TCEA3: variants seen among roughly 807,000 people sequenced by gnomAD.
The protein encoded by TCEA3 is transcription elongation factor A3, also known as transcription elongation factor A protein 3.
TCEA3 carries 36 observed loss-of-function variants against 44.0 expected under a neutral mutation model. The observed-to-expected ratio is 0.82, with a 90% CI of 0.63 to 1.08. TCEA3 has a LOEUF of 1.08. Among genes scored for constraint, TCEA3 ranks in the 50% least tolerant of loss-of-function variants. The probability of loss-of-function intolerance (pLI) is 0.00; values close to 1 mark genes in which losing one functional copy is unlikely to be tolerated. For missense variants in TCEA3, 392 were observed against 441.2 expected, an observed-to-expected ratio of 0.89 and a Z score of 1.00; for synonymous variants, 162 against 159.7, an observed-to-expected ratio of 1.01 and a Z score of -0.11.
At chr1:23,420,840 C>A (rs941178844) in intron 1 of TCEA3, among the ~76,000 whole-genome samples, 3 of 152,170 alleles carry the variant, frequency 2.0e-5, no homozygotes, top group Non-Finnish European at 2.9e-5. Flanking sequence ...GGACACCCTC[C>A]GACCCATTTC....
intron 7 of TCEA3, among the ~76,000 whole-genome samples, chr1:23,395,429 T>C (rs1639186896): frequency 6.6e-6 from 1 of 152,198 alleles, no homozygotes; most frequent in Non-Finnish European, 1.5e-5. Flanking sequence ...TTTTAGGACA[T>C]AGAGCAGTCA....
rs561396556 is a variant in TCEA3 at position 23,397,793 on chromosome 1, G to A, written c.606C>T (p.Asp202=). 5.5e-5 allele frequency: 89 copies of A among 1,613,858 alleles called. No individual in the cohort carries two copies. Among genetic ancestry groups the A allele is most frequent in the South Asian group, 1.1e-4 (10 of 91,082 alleles). ...CATCCCTAGCCCAGGCTCTCTCACC[G>A]TCCGCCTTCAGGGCTGCTGACAGCA... The part of the protein sequence containing the change: ...VEMLSAALKA[D]DDYKDYGVNC... The change falls in exon 6 of 11, where the codon GAC becomes GAT. Residue 202 remains aspartate, a splice_region_variant and synonymous_variant. Coordinates refer to ENST00000450454, the MANE Select transcript of TCEA3 (RefSeq NM_003196.3).
Position 23,424,702 on chromosome 1 carries a change from CGAAG to C in TCEA3, c.-73_-70del. On this transcript the variant is annotated 5_prime_UTR_variant, in exon 1 of 11. Transcript: ENST00000450454. ...AGTAGGGCCTCGGGGGCAGGAGGCG[CGAAG>C]GCGGAGGGCGCGCAACCCGCGCGGG... 7.6e-7 allele frequency: 1 copy of C among 1,312,084 alleles called. No individual in the cohort carries two copies. Among genetic ancestry groups the C allele is most frequent in the Non-Finnish European group, 1.1e-6 (1 of 939,552 alleles). 81.3% of individuals were successfully genotyped at this position (1,312,084 alleles called of 1,614,324 possible). A position where few individuals can be genotyped will look rare whatever the true frequency, so the allele number is the denominator to read the frequency against.
At chr1:23,404,033 G>C (rs1639472380) in intron 5 of TCEA3, 2 of 682,964 alleles carry the variant, frequency 2.9e-6, no homozygotes, top group Admixed American at 2.0e-5. Flanking sequence ...CCCCGGATGT[G>C]CCCGCACCGC....
At chr1:23,401,925 G>A (rs1191191165) in intron 5 of TCEA3, among the ~76,000 whole-genome samples, 3 of 152,160 alleles carry the variant, frequency 2.0e-5, no homozygotes, top group Non-Finnish European at 2.9e-5. Context: ...GAACAGTTTC[G>A]TCTTGAAACC....
At chr1:23,418,658 G>A (rs530403983) in intron 2 of TCEA3, among the ~76,000 whole-genome samples, 2 of 152,178 alleles carry the variant, frequency 1.3e-5, no homozygotes, top group Admixed American at 6.5e-5. Flanking sequence ...CAGCAGCTCC[G>A]GCTATGAGAC....
intron 8 of TCEA3, 32 bp downstream of exon 8, chr1:23,393,847 C>T: frequency 1.9e-6 from 3 of 1,606,468 alleles, no homozygotes; most frequent in African/African-American, 1.3e-5. Flanking sequence ...GACCTGGCTT[C>T]CTGCCTCACC....
chr1:23,385,354 A>G (rs1638803075), intron 9 of TCEA3, among the ~76,000 whole-genome samples: 1 of 152,224 alleles, frequency 6.6e-6, no homozygotes, highest in Admixed American at 6.5e-5. Flanking sequence ...AGCTTAGCGC[A>G]GCCTGGTCAC....
At chr1:23,405,747 A>T (rs1639526200) in intron 5 of TCEA3, among the ~76,000 whole-genome samples, 1 of 152,230 alleles carries the variant, frequency 6.6e-6, no homozygotes. Flanking sequence ...GGAGGGAGCC[A>T]GGAGATTTCA....
At chr1:23,422,643 G>C (rs1640098187) in intron 1 of TCEA3, among the ~76,000 whole-genome samples, 1 of 152,044 alleles carries the variant, frequency 6.6e-6, no homozygotes, top group Non-Finnish European at 1.5e-5. Context: ...AGACACTGCC[G>C]AGAGCCCAGG....
chr1:23,409,034 T>A (rs1189896775), intron 4 of TCEA3, among the ~76,000 whole-genome samples: 2 of 152,222 alleles, frequency 1.3e-5, no homozygotes, highest in East Asian at 3.8e-4. Flanking sequence ...GTCCCTGTCC[T>A]CCTGGCTGTC....
intron 4 of TCEA3, among the ~76,000 whole-genome samples, chr1:23,410,267 T>C (rs1417963143): frequency 1.3e-5 from 2 of 151,852 alleles, no homozygotes; most frequent in African/African-American, 4.8e-5. Flanking sequence ...ATTCCTACAG[T>C]GGGAGAGGGG....
chr1:23,407,089 G>A (rs1639565484), intron 5 of TCEA3, among the ~76,000 whole-genome samples: 1 of 152,114 alleles, frequency 6.6e-6, no homozygotes. Context: ...ATTTGCATAA[G>A]CACAGTCTTC....
chr1:23,384,228 G>A, intron 10 of TCEA3, 118 bp downstream of exon 10: 1 of 1,585,322 alleles, frequency 6.3e-7, no homozygotes, highest in Non-Finnish European at 8.6e-7. Flanking sequence ...GACCTACTCT[G>A]TGCAGGCTGG....
intron 5 of TCEA3, among the ~76,000 whole-genome samples, chr1:23,403,155 ACTGT>A (rs1024914571): frequency 2.0e-5 from 3 of 152,250 alleles, no homozygotes; most frequent in Non-Finnish European, 2.9e-5. Flanking sequence ...CCACAGGAAA[ACTGT>A]CAGGGGAGCC....
chr1:23,387,700 G>T (rs928089503), intron 8 of TCEA3, among the ~76,000 whole-genome samples: 2 of 152,188 alleles, frequency 1.3e-5, no homozygotes, highest in Non-Finnish European at 2.9e-5. Context: ...CATTTCTTCA[G>T]ATCTGGGGCT....
At chr1:23,414,173 G>A (rs769412990) in intron 4 of TCEA3, among the ~76,000 whole-genome samples, 47 of 151,968 alleles carry the variant, frequency 3.1e-4, no homozygotes, top group East Asian at 5.8e-4. Context: ...TGAAACCTCC[G>A]CCTCCTGGGT....
At position 23,393,958 on chromosome 1, in the gene TCEA3, T is replaced by C; in HGVS notation, c.740A>G (p.Asp247Gly). The change falls in exon 8 of 11, where the codon GAC (aspartate) becomes GGC (glycine). Residue 247 changes from aspartate (D) to glycine (G), a missense_variant. Transcript: ENST00000450454. Reference sequence around the variant, plus strand: ...CCGCCGCAGGCCGGGGTTCCTGGGGTCCTTGAGGTTGCTTATGCGGCTGCG... The same window carrying C: ...CCGCCGCAGGCCGGGGTTCCTGGGGCCCTTGAGGTTGCTTATGCGGCTGCG... ...RVRSRISNLK[D>G]PRNPGLRRNV... is the part of the protein sequence containing the mutation. The C allele has an allele frequency of 6.2e-7, 1 of 1,613,948 alleles. No individual in the cohort carries two copies. Among genetic ancestry groups the C allele is most frequent in the Non-Finnish European group, 8.5e-7 (1 of 1,179,886 alleles).
intron 5 of TCEA3, among the ~76,000 whole-genome samples, chr1:23,399,931 C>T (rs1158040693): frequency 6.6e-6 from 1 of 152,212 alleles, no homozygotes; most frequent in Non-Finnish European, 1.5e-5. Flanking sequence ...CTGCCTTGGC[C>T]TCCCAAAGTG....
Sources: gnomAD v4.1 joint callset for allele counts (sites outside exome capture counted in the v4.1 genomes callset) on GRCh38, gnomAD v4.1.1 for gene constraint, MANE v1.5 for transcripts, NCBI Gene and HGNC (gene_info 2026-07-23, HGNC 2026-07-21) for gene names.